The following GREM1 variants were observed in gnomAD, a reference collection of about 807,000 sequenced individuals.
The protein encoded by GREM1 is gremlin 1, DAN family BMP antagonist, also known as gremlin-1.
In GREM1, 6 loss-of-function variants were observed where a neutral mutation model predicts 13.1. The ratio of observed to expected loss-of-function variants is 0.46; its 90% confidence interval spans 0.25 to 0.91. The LOEUF is 0.91. GREM1 is among the 40% of genes least tolerant of loss of function. The probability of loss-of-function intolerance (pLI) is 0.18; values close to 1 mark genes in which losing one functional copy is unlikely to be tolerated. For synonymous variants in GREM1, 98 were observed against 93.7 expected (o/e 1.05, Z -0.27); for missense variants, 185 against 233.9 (o/e 0.79, Z 1.36).
intron 1 of GREM1, among the ~76,000 whole-genome samples, chr15:32,719,615 C>A (rs2055370891): frequency 6.6e-6 from 1 of 152,164 alleles, no homozygotes; most frequent in Non-Finnish European, 1.5e-5. Context: ...AAGAGCAAAT[C>A]TGAGCGGTGT....
Position 32,737,009 on chromosome 15 carries a change from A to C in GREM1, c.*5764A>C, listed in dbSNP as rs2055704965. The C allele has an allele frequency of 6.6e-6, 1 of 152,186 alleles. No individual in the cohort carries two copies. Among genetic ancestry groups the C allele is most frequent in the Non-Finnish European group, 1.5e-5 (1 of 68,042 alleles). The allele number at this position is 152,186 out of a possible 1,614,324, so 9.4% of individuals were successfully genotyped here. A position where few individuals can be genotyped will look rare whatever the true frequency, so the allele number is the denominator to read the frequency against. Reference sequence around the variant, plus strand: ...AGCATCTAAACCAAATTTTGGTGACATTTCATCTTGTTTATGCAGATGTCC... The same window carrying C: ...AGCATCTAAACCAAATTTTGGTGACCTTTCATCTTGTTTATGCAGATGTCC... On this transcript the variant is annotated 3_prime_UTR_variant, in exon 2 of 2. Coordinates refer to ENST00000651154, the MANE Select transcript of GREM1 (RefSeq NM_013372.7).
chr15:32,721,573 C>T (rs922399684), intron 1 of GREM1, among the ~76,000 whole-genome samples: 1 of 151,970 alleles, frequency 6.6e-6, no homozygotes, highest in East Asian at 1.9e-4. Context: ...GGCCAAGACA[C>T]TGAAATCCCG....
chr15:32,720,366 G>A (rs2055385089), intron 1 of GREM1, among the ~76,000 whole-genome samples: 1 of 152,134 alleles, frequency 6.6e-6, no homozygotes. Flanking sequence ...AGTCTGAATG[G>A]TCAAGTATTA....
rs146429140 is a variant in GREM1 at position 32,720,217 on chromosome 15, C to T, written c.-2+2056C>T. 1.0e-3 allele frequency among the ~76,000 whole-genome samples: 152 copies of T among 152,182 alleles called. No homozygotes were observed. Among genetic ancestry groups the T allele is most frequent in the African/African-American group, 3.5e-3 (146 of 41,512 alleles). On this transcript the variant is annotated intron_variant, in intron 1 of 1. Transcript: ENST00000651154. ...TTTAGTGAAATGTTTTGGTAACCCA[C>T]GCTCTGTAGGAAATCCAGGTTGGCT... is the stretch of plus-strand genomic sequence containing the variant.
At chr15:32,718,397 G>A in intron 1 of GREM1, 1 of 486,418 alleles carries the variant, frequency 2.1e-6, no homozygotes, top group Non-Finnish European at 4.1e-6. Flanking sequence ...AAGTTGTCAG[G>A]AGCGGGCAGG....
At chr15:32,729,006 CT>C (rs563570668) in intron 1 of GREM1, among the ~76,000 whole-genome samples, 48 of 147,192 alleles carry the variant, frequency 3.3e-4, no homozygotes, top group Middle Eastern at 3.5e-3. Flanking sequence ...TCTGCACTTT[CT>C]TTTTTTTTTT....
Position 32,730,870 on chromosome 15 carries a change from G to C in GREM1, c.180G>C (p.Arg60=). 1 of 1,613,428 alleles carries C rather than the reference G, an allele frequency of 6.2e-7. No individual in the cohort carries two copies. The highest frequency in any genetic ancestry group is 8.5e-7 in the Non-Finnish European group (1 of 1,179,728). ...AGCCTGGCTCCAGGAACCGGGGGCGGGGCCAAGGGCGGGGCACTGCCATGC... is the reference window on the plus strand; with the variant it reads ...AGCCTGGCTCCAGGAACCGGGGGCGCGGCCAAGGGCGGGGCACTGCCATGC... ...PQQPGSRNRG[R]GQGRGTAMPG... The change falls in exon 2 of 2, where the codon CGG becomes CGC. Residue 60 remains arginine (R), a synonymous_variant. Coordinates refer to ENST00000651154, the MANE Select transcript of GREM1 (RefSeq NM_013372.7).
intron 1 of GREM1, among the ~76,000 whole-genome samples, chr15:32,724,991 T>G (rs2055476039): frequency 6.6e-6 from 1 of 152,246 alleles, no homozygotes; most frequent in Non-Finnish European, 1.5e-5. Flanking sequence ...GGCTGCATAG[T>G]ATTCCATGGT....
At position 32,733,227 on chromosome 15, in the gene GREM1, A is replaced by G. The variant is rs1163935276; in HGVS notation, c.*1982A>G. On this transcript the variant is annotated 3_prime_UTR_variant, in exon 2 of 2. Coordinates refer to ENST00000651154, the MANE Select transcript of GREM1 (RefSeq NM_013372.7). ...CACCCCAAATCTTTGTATTGTCCAC[A>G]TTCTCCAACAATAAAGCACAGAGTG... 8.9e-6 allele frequency: 2 copies of G among 225,816 alleles called. No individual in the cohort carries two copies. Among genetic ancestry groups the G allele is most frequent in the South Asian group, 1.9e-4 (1 of 5,326 alleles). 14.0% of individuals were successfully genotyped at this position (225,816 alleles called of 1,614,324 possible).
Position 32,731,716 on chromosome 15 carries a change from C to T in GREM1, c.*471C>T, listed in dbSNP as rs886306205. On this transcript the variant is annotated 3_prime_UTR_variant, in exon 2 of 2. Transcript: ENST00000651154. ...ACCTGTGCTTGCATCCTCCTTTCCT[C>T]CTCCTCCTCACAATCCATCTCTTCT... The T allele has an allele frequency of 2.0e-5, 5 of 250,034 alleles. No individual in the cohort carries two copies. The highest frequency in any genetic ancestry group is 1.1e-4 in the Admixed American group (2 of 18,578). The allele number at this position is 250,034 out of a possible 1,614,324, so 15.5% of individuals were successfully genotyped here. A position where few individuals can be genotyped will look rare whatever the true frequency, so the allele number is the denominator to read the frequency against.
rs1354760258 is a variant in GREM1 at position 32,732,547 on chromosome 15, G to A, written c.*1302G>A. ...TTGCCTCTGGCTAGAGAGTAGTTAGGTGTTAATACCTGGTAGAGATGTAAG... is the reference window on the plus strand; with the variant it reads ...TTGCCTCTGGCTAGAGAGTAGTTAGATGTTAATACCTGGTAGAGATGTAAG... On this transcript the variant is annotated 3_prime_UTR_variant, in exon 2 of 2. Transcript: ENST00000651154. 4.1e-6 allele frequency: 1 copy of A among 246,170 alleles called. No homozygotes were observed. Among genetic ancestry groups the A allele is most frequent in the Non-Finnish European group, 8.6e-6 (1 of 116,850 alleles). The allele number at this position is 246,170 out of a possible 1,614,324, so 15.2% of individuals were successfully genotyped here.
chr15:32,738,667 G>A lies in GREM1; in HGVS notation c.*7422G>A, dbSNP rs2140766927. On this transcript the variant is annotated 3_prime_UTR_variant, in exon 2 of 2. Coordinates refer to ENST00000651154, the MANE Select transcript of GREM1 (RefSeq NM_013372.7). The stretch of plus-strand genomic sequence containing the variant: ...AAAGTTGGAGAACTCACACTTCCTG[G>A]TTTCATAACATACACCAGGCTGGGC... The A allele has an allele frequency of 6.6e-6, 1 of 152,114 alleles. No homozygotes were observed. The highest frequency in any genetic ancestry group is 6.6e-5 in the Admixed American group (1 of 15,266). 9.4% of individuals were successfully genotyped at this position (152,114 alleles called of 1,614,324 possible).
Position 32,738,698 on chromosome 15 carries a change from G to A in GREM1, c.*7453G>A, listed in dbSNP as rs1339140977. On this transcript the variant is annotated 3_prime_UTR_variant, in exon 2 of 2. Transcript: ENST00000651154. ...TAACATACACCAGGCTGGGCATGGT[G>A]GTTCATGCCCATAATCCCAGCACTT... The A allele has an allele frequency of 6.6e-6, 1 of 152,230 alleles. No homozygotes were observed. Among genetic ancestry groups the A allele is most frequent in the Non-Finnish European group, 1.5e-5 (1 of 68,044 alleles). The allele number at this position is 152,230 out of a possible 1,614,324, so 9.4% of individuals were successfully genotyped here.
intron 1 of GREM1, among the ~76,000 whole-genome samples, chr15:32,725,241 C>T (rs966085448): frequency 6.6e-6 from 1 of 152,162 alleles, no homozygotes; most frequent in East Asian, 1.9e-4. Flanking sequence ...AACTAATTTA[C>T]ACTCCCACCA....
chr15:32,727,536 A>G (rs1238172283), intron 1 of GREM1, among the ~76,000 whole-genome samples: 1 of 152,240 alleles, frequency 6.6e-6, no homozygotes, highest in Non-Finnish European at 1.5e-5. Flanking sequence ...CACAGCCAGT[A>G]TCATACTGAA....
Position 32,736,188 on chromosome 15 carries a change from A to G in GREM1, c.*4943A>G, listed in dbSNP as rs556161226. 1.3e-5 allele frequency: 2 copies of G among 152,186 alleles called. No homozygotes were observed. The highest frequency in any genetic ancestry group is 2.4e-5 in the African/African-American group (1 of 41,446). The allele number at this position is 152,186 out of a possible 1,614,324, so 9.4% of individuals were successfully genotyped here. On this transcript the variant is annotated 3_prime_UTR_variant, in exon 2 of 2. Transcript: ENST00000651154. Reference sequence around the variant, plus strand: ...CCCTGGAAGCTCCACTTGCAAGGCTATATTTGACCTGACTGGAAGCTTCCC... The same window carrying G: ...CCCTGGAAGCTCCACTTGCAAGGCTGTATTTGACCTGACTGGAAGCTTCCC...
At position 32,733,991 on chromosome 15, in the gene GREM1, A is replaced by G. The variant is rs2055664356; in HGVS notation, c.*2746A>G. The G allele has an allele frequency of 4.1e-6, 1 of 241,524 alleles. No individual in the cohort carries two copies. The highest frequency in any genetic ancestry group is 5.7e-5 in the Admixed American group (1 of 17,574). 15.0% of individuals were successfully genotyped at this position (241,524 alleles called of 1,614,324 possible). On this transcript the variant is annotated 3_prime_UTR_variant, in exon 2 of 2. Coordinates refer to ENST00000651154, the MANE Select transcript of GREM1 (RefSeq NM_013372.7). ...TTAAATGAAAAGTTATGGTTATTTA[A>G]TGTAATTATTACTTCAAATCCTTTG...
In GREM1 at chr15:32,730,993, G is replaced by C; in HGVS notation, c.303G>C (p.Gln101His). 1.2e-6 allele frequency: 2 copies of C among 1,614,174 alleles called. No individual in the cohort carries two copies. The highest frequency in any genetic ancestry group is 8.5e-7 in the Non-Finnish European group (1 of 1,180,042). ...RDWCKTQPLK[Q>H]TIHEEGCNSR... ...GGTGCAAAACCCAGCCGCTTAAGCA[G>C]ACCATCCACGAGGAAGGCTGCAACA... The change falls in exon 2 of 2, where the codon CAG becomes CAC. Residue 101 changes from glutamine (Q) to histidine (H), a missense_variant. Transcript: ENST00000651154.
chr15:32,728,802 A>T (rs1213111793), intron 1 of GREM1, among the ~76,000 whole-genome samples: 1 of 152,170 alleles, frequency 6.6e-6, no homozygotes, highest in Non-Finnish European at 1.5e-5. Flanking sequence ...TTCAGGTCCG[A>T]TTGTTGTGAT....
Sources: gnomAD v4.1 joint callset for allele counts (sites outside exome capture counted in the v4.1 genomes callset) on GRCh38, gnomAD v4.1.1 for gene constraint, MANE v1.5 for transcripts, NCBI Gene and HGNC (gene_info 2026-07-23, HGNC 2026-07-21) for gene names.